Variants in PITPNM2 observed in about 807,000 individuals in gnomAD.
PITPNM2 encodes phosphatidylinositol transfer protein membrane associated 2, also known as membrane-associated phosphatidylinositol transfer protein 2.
A neutral mutation model predicts 132.2 loss-of-function variants in PITPNM2; 35 were observed. That is an observed-to-expected ratio of 0.26 (90% CI 0.20 to 0.35). The LOEUF is 0.35. Among genes scored for constraint, PITPNM2 ranks in the 10% least tolerant of loss-of-function variants. PITPNM2 has a pLI of 1.00. For missense variants in PITPNM2, 1,332 were observed against 1,912.0 expected (o/e 0.70, Z 5.66); for synonymous variants, 738 against 799.2 (o/e 0.92, Z 1.29).
intron 3 of PITPNM2, among the ~76,000 whole-genome samples, chr12:123,033,960 C>T (rs1419834039): frequency 6.6e-6 from 1 of 152,176 alleles, no homozygotes; most frequent in Non-Finnish European, 1.5e-5. Context: ...GTATCCTATA[C>T]ATTTACACAA....
chr12:123,028,032 C>T (rs1487747554), intron 3 of PITPNM2, among the ~76,000 whole-genome samples: 1 of 152,228 alleles, frequency 6.6e-6, no homozygotes, highest in African/African-American at 2.4e-5. Context: ...GAGACAGCGG[C>T]AGTTGGACAG....
chr12:123,112,847 A>AATGT (rs1435988488), intron 1 of PITPNM2, among the ~76,000 whole-genome samples: 1 of 152,142 alleles, frequency 6.6e-6, no homozygotes, highest in Non-Finnish European at 1.5e-5. Flanking sequence ...CTAAATCTTC[A>AATGT]ATATACTGCT....
At chr12:123,091,513 A>G (rs980160965) in intron 2 of PITPNM2, 5 of 152,314 alleles carry the variant, frequency 3.3e-5, no homozygotes, top group African/African-American at 1.2e-4. Flanking sequence ...CCTCCTCTGC[A>G]CAGGCCTGGG....
rs1329214087 is a variant in PITPNM2, at chr12:122,992,832, TTTTG to T, written c.2234-167_2234-164del. On this transcript the variant is annotated intron_variant, in intron 15 of 25. Coordinates refer to ENST00000320201, the MANE Select transcript of PITPNM2 (RefSeq NM_020845.3). This position sits in a 1 kb window ranked among gnomAD's most constrained non-coding sequence, Gnocchi z 6.5. Reference sequence around the variant, plus strand: ...GGACCTGTTTGGGTCATTGTCACTTTTTTGTTTGTTTGAGACAGGGTCTTGCTCT... The same window carrying T: ...GGACCTGTTTGGGTCATTGTCACTTTTTTGTTTGAGACAGGGTCTTGCTCT... Among the ~76,000 whole-genome samples the T allele has an allele frequency of 4.6e-5, 7 of 151,938 alleles. No individual in the cohort carries two copies. Among genetic ancestry groups the T allele is most frequent in the East Asian group, 1.9e-4 (1 of 5,180 alleles).
At chr12:123,073,856 T>C (rs2041693765) in intron 2 of PITPNM2, among the ~76,000 whole-genome samples, 1 of 152,162 alleles carries the variant, frequency 6.6e-6, no homozygotes, top group African/African-American at 2.4e-5. Context: ...CTCCTTCCTC[T>C]CTCTAATTCC....
rs574312022 is a variant in PITPNM2, at chr12:123,027,699, C to T, written c.78+6814G>A. Among the ~76,000 whole-genome samples the T allele has an allele frequency of 7.2e-5, 11 of 152,340 alleles. No homozygotes were observed. The South Asian group carries it at 8.3e-4, about 11-fold the overall frequency. ...AGTGGCAGAGCCACTGGGAGCCAGA[C>T]GGGACCCCCTGTATAGCACTTTGGT... On this transcript the variant is annotated intron_variant, in intron 3 of 25. Coordinates refer to ENST00000320201, the MANE Select transcript of PITPNM2 (RefSeq NM_020845.3).
At chr12:123,029,879 A>T (rs2040015884) in intron 3 of PITPNM2, among the ~76,000 whole-genome samples, 1 of 150,012 alleles carries the variant, frequency 6.7e-6, no homozygotes, top group African/African-American at 2.5e-5. Flanking sequence ...TGGGTGAGGG[A>T]GGGAGGAGCA....
chr12:122,997,607 G>A (rs766984315), intron 10 of PITPNM2, 35 bp from the exon 11 acceptor site: 11 of 1,592,278 alleles, frequency 6.9e-6, no homozygotes. Flanking sequence ...AGCTCCCCAG[G>A]GAACCCAGCT....
intron 2 of PITPNM2, among the ~76,000 whole-genome samples, chr12:123,098,050 A>G (rs1172207434): frequency 6.6e-6 from 1 of 152,228 alleles, no homozygotes; most frequent in Non-Finnish European, 1.5e-5. Context: ...AGTCCAGAGA[A>G]AGAGAGAAGA....
intron 2 of PITPNM2, among the ~76,000 whole-genome samples, chr12:123,105,072 T>C (rs2042673119): frequency 1.3e-5 from 2 of 152,096 alleles, no homozygotes; most frequent in African/African-American, 4.8e-5. Context: ...TCCAGTTTCC[T>C]GAACATCCTG....
chr12:123,066,044 G>A (rs1364283126), intron 2 of PITPNM2, among the ~76,000 whole-genome samples: 1 of 152,246 alleles, frequency 6.6e-6, no homozygotes, highest in African/African-American at 2.4e-5. Flanking sequence ...GTATGCGTTT[G>A]TGTGCGTGTG....
Position 123,031,491 on chromosome 12 carries a change from T to C in PITPNM2, c.78+3022A>G, listed in dbSNP as rs1160480788. Among the ~76,000 whole-genome samples the C allele has an allele frequency of 2.0e-5, 3 of 152,106 alleles. No homozygotes were observed. The highest frequency in any genetic ancestry group is 4.4e-5 in the Non-Finnish European group (3 of 68,022). On this transcript the variant is annotated intron_variant, in intron 3 of 25. Coordinates refer to ENST00000320201, the MANE Select transcript of PITPNM2 (RefSeq NM_020845.3). The surrounding 1 kb of genome is among the most constrained non-coding windows in gnomAD (Gnocchi z 4.5). Reference sequence around the variant, plus strand: ...CTAGCAGGAACCTATGGCTTCCTGGTAACTACATGAGGGCTGAAGCACCTC... The same window carrying C: ...CTAGCAGGAACCTATGGCTTCCTGGCAACTACATGAGGGCTGAAGCACCTC...
At position 123,024,386 on chromosome 12, in the gene PITPNM2, T is replaced by C. The variant is rs568838519; in HGVS notation, c.78+10127A>G. On this transcript the variant is annotated intron_variant, in intron 3 of 25. Transcript: ENST00000320201. ...TGGCGGTTCCTCAAAAAGTTAAACA[T>C]AGAGTTACCATATGACCCAGCAATT... is the stretch of plus-strand genomic sequence containing the variant. Among the ~76,000 whole-genome samples the C allele has an allele frequency of 2.0e-5, 3 of 152,276 alleles. No individual in the cohort carries two copies. The South Asian group carries it at 6.2e-4, about 32-fold the overall frequency.
intron 2 of PITPNM2, among the ~76,000 whole-genome samples, chr12:123,071,480 G>C (rs1483765788): frequency 6.6e-6 from 1 of 152,254 alleles, no homozygotes; most frequent in East Asian, 1.9e-4. Context: ...AGTCCAGGGA[G>C]TGGCTCTGGG....
At chr12:123,063,241 G>C (rs2041308300) in intron 2 of PITPNM2, among the ~76,000 whole-genome samples, 1 of 152,340 alleles carries the variant, frequency 6.6e-6, no homozygotes, top group South Asian at 2.1e-4. Context: ...CTGCAGTGTG[G>C]AGAAGGGGCA....
rs1255620687 is a variant in PITPNM2, at chr12:123,082,473, G to C, written c.-96+27912C>G. Among the ~76,000 whole-genome samples the C allele has an allele frequency of 6.6e-6, 1 of 152,040 alleles. No individual in the cohort carries two copies. The highest frequency in any genetic ancestry group is 6.5e-5 in the Admixed American group (1 of 15,278). On this transcript the variant is annotated intron_variant, in intron 2 of 25. Transcript: ENST00000320201. The surrounding 1 kb of genome is among the most constrained non-coding windows in gnomAD (Gnocchi z 5.4). ...TTTATTTTCATTTTTTTGAGACAGA[G>C]TCTTGCCCAGGCTGGAGTGCAGTGG...
At chr12:123,115,905 G>C (rs973729484) in intron 1 of PITPNM2, among the ~76,000 whole-genome samples, 1 of 152,230 alleles carries the variant, frequency 6.6e-6, no homozygotes, top group Non-Finnish European at 1.5e-5. Context: ...TTGGGTTCTG[G>C]TTTGAGTGGC....
At chr12:123,035,559 G>C (rs2040236811) in intron 2 of PITPNM2, among the ~76,000 whole-genome samples, 1 of 152,034 alleles carries the variant, frequency 6.6e-6, no homozygotes, top group African/African-American at 2.4e-5. Context: ...CCAACTACTT[G>C]GGAGGCTGAG....
In PITPNM2 at chr12:123,077,362, T is replaced by G. The variant is rs1470690755; in HGVS notation, c.-96+33023A>C. On this transcript the variant is annotated intron_variant, in intron 2 of 25. Coordinates refer to ENST00000320201, the MANE Select transcript of PITPNM2 (RefSeq NM_020845.3). This position sits in a 1 kb window ranked among gnomAD's most constrained non-coding sequence, Gnocchi z 4.8. ...CTCTCATTTTCAGATAATGAAGGAT[T>G]GGTCAGAGAGACAGCCAACGTGTGG... Among the ~76,000 whole-genome samples the G allele has an allele frequency of 6.6e-6, 1 of 152,170 alleles. No homozygotes were observed. Among genetic ancestry groups the G allele is most frequent in the Non-Finnish European group, 1.5e-5 (1 of 68,028 alleles).
Sources: allele counts gnomAD v4.1 joint callset (sites outside exome capture counted in the v4.1 genomes callset), GRCh38; gene constraint gnomAD v4.1.1; non-coding constraint Gnocchi (gnomAD v3.1); transcripts MANE v1.5; gene names NCBI Gene and HGNC (gene_info 2026-07-23, HGNC 2026-07-21).